Variants in INVS observed in about 807,000 individuals in gnomAD.
INVS encodes inversion of embryo turning homolog.
INVS carries 86 observed loss-of-function variants against 108.8 expected under a neutral mutation model. The ratio of observed to expected loss-of-function variants is 0.79; its 90% confidence interval spans 0.66 to 0.95. The LOEUF (loss-of-function observed/expected upper bound fraction) is 0.95, where lower values mean the gene tolerates loss of function less well. Among genes scored for constraint, INVS ranks in the 40% least tolerant of loss-of-function variants. The probability of loss-of-function intolerance (pLI) is 0.00; values close to 1 mark genes in which losing one functional copy is unlikely to be tolerated. For synonymous variants in INVS, 455 were observed against 473.5 expected (o/e 0.96, Z 0.51); for missense variants, 1,169 against 1,297.4 (o/e 0.90, Z 1.52).
At chr9:100,221,581 A>G (rs1239303392) in intron 3 of INVS, among the ~76,000 whole-genome samples, 1 of 151,290 alleles carries the variant, frequency 6.6e-6, no homozygotes, top group Non-Finnish European at 1.5e-5. Context: ...GAAATAGGAG[A>G]TGCTGGCCTC....
Position 100,217,230 on chromosome 9 carries a change from A to G in INVS, c.274-8832A>G, listed in dbSNP as rs188101287. ...AGGCTGAGGCACAAGAATTGCTTGAACCCGGGAGGCAGAGGTTGCAGTGAG... is the reference window on the plus strand; with the variant it reads ...AGGCTGAGGCACAAGAATTGCTTGAGCCCGGGAGGCAGAGGTTGCAGTGAG... On this transcript the variant is annotated intron_variant, in intron 3 of 16. Coordinates refer to ENST00000262457, the MANE Select transcript of INVS (RefSeq NM_014425.5). 9.9e-5 allele frequency among the ~76,000 whole-genome samples: 15 copies of G among 151,868 alleles called. No individual in the cohort carries two copies. The East Asian group carries it at 2.9e-3, about 30-fold the overall frequency.
At chr9:100,110,124 A>G (rs950401315) in intron 2 of INVS, among the ~76,000 whole-genome samples, 3 of 152,240 alleles carry the variant, frequency 2.0e-5, no homozygotes, top group African/African-American at 7.2e-5. Flanking sequence ...GCTTGCCTAC[A>G]TGCAAATGTG....
At chr9:100,187,612 C>T (rs370095555) in intron 3 of INVS, among the ~76,000 whole-genome samples, 178 of 149,914 alleles carry the variant, frequency 1.2e-3, no homozygotes, top group Middle Eastern at 3.4e-3. Context: ...CCACAACCTC[C>T]GCCTCCCAGG....
At chr9:100,269,567 C>G (rs1832889440) in intron 11 of INVS, among the ~76,000 whole-genome samples, 1 of 152,154 alleles carries the variant, frequency 6.6e-6, no homozygotes, top group African/African-American at 2.4e-5. Context: ...CAAAATACTC[C>G]TATAGTGAAA....
chr9:100,223,078 C>CATTT (rs554266239), intron 3 of INVS, among the ~76,000 whole-genome samples: 4 of 151,446 alleles, frequency 2.6e-5, no homozygotes, highest in South Asian at 2.1e-4. Context: ...GAATTTTTAT[C>CATTT]ATTTATTTAT....
In INVS at chr9:100,292,455, A is replaced by C. The variant is rs1833649146; in HGVS notation, c.2198A>C (p.Glu733Ala). The change falls in exon 14 of 17, where the codon GAG becomes GCG. Residue 733 changes from glutamate to alanine, a missense_variant. Around this residue, in one of 3 missense-constraint regions of INVS, gnomAD observed 533 missense variants for 536.0 expected, o/e 0.99. Transcript: ENST00000262457. ...EKSRGETAGD[E>A]RCAKGKGFVK... is the part of the protein sequence containing the mutation. ...TCCAGAGGTGAGACAGCTGGCGATG[A>C]GCGGTGTGCAAAGGGGAAAGGCTTC... The C allele has an allele frequency of 6.2e-7, 1 of 1,614,012 alleles. No homozygotes were observed. Among genetic ancestry groups the C allele is most frequent in the South Asian group, 1.1e-5 (1 of 91,084 alleles).
intron 3 of INVS, among the ~76,000 whole-genome samples, chr9:100,189,106 C>CTTTTTTTTTTTTTTTT (rs60762136): frequency 1.2e-4 from 8 of 69,530 alleles, no homozygotes; most frequent in East Asian, 3.8e-4. Context: ...TTTGCATCTT[C>CTTTTTTTTTTTTTTTT]TTTTTTTTTT....
intron 2 of INVS, chr9:100,120,949 G>A (rs1362317385): frequency 6.6e-6 from 1 of 152,154 alleles, no homozygotes; most frequent in Non-Finnish European, 1.5e-5. Flanking sequence ...AGTCCCAGCA[G>A]AATGTGTTGC....
intron 3 of INVS, among the ~76,000 whole-genome samples, chr9:100,194,144 C>T (rs1210390563): frequency 6.6e-6 from 1 of 152,152 alleles, no homozygotes; most frequent in Admixed American, 6.5e-5. Flanking sequence ...AAATGGTGAA[C>T]AGTTTTCCAA....
At chr9:100,256,665 T>C (rs941318335) in intron 10 of INVS, among the ~76,000 whole-genome samples, 4 of 152,154 alleles carry the variant, frequency 2.6e-5, no homozygotes, top group Non-Finnish European at 4.4e-5. Flanking sequence ...GCCTTCATTT[T>C]GTTATGTACC....
In INVS at chr9:100,163,697, T is replaced by G. The variant is rs1829266668; in HGVS notation, c.273+37148T>G. On this transcript the variant is annotated intron_variant, in intron 3 of 16. Coordinates refer to ENST00000262457, the MANE Select transcript of INVS (RefSeq NM_014425.5). ...GTAGACCTCACTTAAGAAAGTAATA[T>G]TTAAGCAAATACTTAAAGATTATGA... 2.0e-5 allele frequency among the ~76,000 whole-genome samples: 3 copies of G among 152,164 alleles called. No individual in the cohort carries two copies. In the South Asian group the frequency reaches 6.2e-4, roughly 32 times the overall value.
In INVS at chr9:100,261,265, CTT is replaced by C. The variant is rs1191530321; in HGVS notation, c.1465-3540_1465-3539del. Among the ~76,000 whole-genome samples, 87 of 136,256 alleles carry C rather than the reference CTT, an allele frequency of 6.4e-4. 2 individuals are homozygous for C. The East Asian group carries it at 0.014, about 22-fold the overall frequency. The allele number at this position is 136,256 out of a possible 152,430, so 89.4% of individuals were successfully genotyped here. On this transcript the variant is annotated intron_variant, in intron 10 of 16. Coordinates refer to ENST00000262457, the MANE Select transcript of INVS (RefSeq NM_014425.5). ...TGTCTTTATGATACTAGGAATGCAT[CTT>C]TTTTTTTTTTTTTTTTGAGACAGAG...
At chr9:100,212,328 G>T (rs576178917) in intron 3 of INVS, among the ~76,000 whole-genome samples, 1 of 152,254 alleles carries the variant, frequency 6.6e-6, no homozygotes, top group African/African-American at 2.4e-5. Context: ...TTCAAGAAGG[G>T]TGTAGAGATT....
chr9:100,169,878 A>G (rs896426370), intron 3 of INVS, among the ~76,000 whole-genome samples: 5 of 152,310 alleles, frequency 3.3e-5, no homozygotes, highest in African/African-American at 1.2e-4. Context: ...CAAAAGAACT[A>G]AATGTGTGTA....
chr9:100,120,151 A>G (rs1398638291), intron 2 of INVS, among the ~76,000 whole-genome samples: 1 of 152,206 alleles, frequency 6.6e-6, no homozygotes, highest in Admixed American at 6.5e-5. Context: ...TATGCCTGTA[A>G]TCCCAGCACA....
At chr9:100,142,996 A>C (rs945080789) in intron 3 of INVS, among the ~76,000 whole-genome samples, 17 of 152,290 alleles carry the variant, frequency 1.1e-4, no homozygotes, top group Middle Eastern at 3.4e-3. Context: ...AATTATGCTG[A>C]GATAGGTAAC....
chr9:100,228,685 G>A (rs1475687343), intron 4 of INVS, among the ~76,000 whole-genome samples: 2 of 152,180 alleles, frequency 1.3e-5, no homozygotes, highest in African/African-American at 4.8e-5. Flanking sequence ...GAGTCAGACT[G>A]CCTGGGTTAA....
At chr9:100,110,756 G>A (rs1285470771) in intron 2 of INVS, among the ~76,000 whole-genome samples, 1 of 152,154 alleles carries the variant, frequency 6.6e-6, no homozygotes, top group Non-Finnish European at 1.5e-5. Flanking sequence ...TTTTATGAAT[G>A]TATTAAATAG....
rs147420697 is a variant in INVS, at chr9:100,284,447, C to T, written c.1912C>T (p.Arg638Trp). The T allele has an allele frequency of 3.3e-5, 53 of 1,614,036 alleles. No homozygotes were observed. Among genetic ancestry groups the T allele is most frequent in the East Asian group, 4.5e-5 (2 of 44,902 alleles). The change falls in exon 13 of 17, where the codon CGG (arginine) becomes TGG (tryptophan). Residue 638 changes from arginine (R) to tryptophan (W), a missense_variant. Physicochemically the swap from Arg to Trp is moderately radical, Grantham distance 101 (BLOSUM62 -3). Coordinates refer to ENST00000262457, the MANE Select transcript of INVS (RefSeq NM_014425.5). The part of the protein sequence containing the change: ...STQDVPSRQS[R>W]APSKQPPAGN... ...CCAGGATGTGCCCAGCAGGCAGAGC[C>T]GGGCCCCCAGCAAGCAGCCTCCTGC... is the stretch of plus-strand genomic sequence containing the variant.
Sources: gnomAD v4.1 joint callset for allele counts (sites outside exome capture counted in the v4.1 genomes callset) on GRCh38, gnomAD v4.1.1 for gene constraint, gnomAD v4.1.1 regional missense constraint, MANE v1.5 for transcripts, NCBI Gene and HGNC (gene_info 2026-07-23, HGNC 2026-07-21) for gene names.